The following AUTS2 variants were observed in gnomAD, a reference collection of about 807,000 sequenced individuals.
AUTS2 encodes the protein activator of transcription and developmental regulator AUTS2.
A neutral mutation model predicts 112.4 loss-of-function variants in AUTS2; 17 were observed. That is an observed-to-expected ratio of 0.15 (90% confidence interval 0.10 to 0.23). AUTS2 has a LOEUF of 0.23. AUTS2 is among the 10% of genes least tolerant of loss of function. The probability of loss-of-function intolerance (pLI) is 1.00; values close to 1 mark genes in which losing one functional copy is unlikely to be tolerated. For missense variants in AUTS2, 1,510 were observed against 1,701.6 expected, an observed-to-expected ratio of 0.89 and a Z score of 1.98; for synonymous variants, 751 against 702.7, an observed-to-expected ratio of 1.07 and a Z score of -1.09.
intron 13 of AUTS2, among the ~76,000 whole-genome samples, chr7:70,775,878 C>A (rs1158946197): frequency 6.6e-6 from 1 of 152,190 alleles, no homozygotes; most frequent in Non-Finnish European, 1.5e-5. Flanking sequence ...GCAAATTGTT[C>A]TCGAGGTCTG....
intron 1 of AUTS2, among the ~76,000 whole-genome samples, chr7:69,770,319 A>T (rs1054907754): frequency 2.6e-5 from 4 of 152,254 alleles, no homozygotes; most frequent in African/African-American, 9.6e-5. Context: ...CATTCAGCAG[A>T]CATTTAGCAA....
intron 1 of AUTS2, among the ~76,000 whole-genome samples, chr7:69,775,447 A>T (rs1788851191): frequency 6.6e-6 from 1 of 152,072 alleles, no homozygotes; most frequent in Non-Finnish European, 1.5e-5. Context: ...CTGCATTTTT[A>T]AATCTTGTCA....
intron 1 of AUTS2, among the ~76,000 whole-genome samples, chr7:69,784,022 C>T (rs1194777018): frequency 6.6e-6 from 1 of 152,184 alleles, no homozygotes; most frequent in East Asian, 1.9e-4. Flanking sequence ...CCCCCCTCCC[C>T]AACCTTCAAC....
At chr7:70,304,040 G>A (rs1373160453) in intron 4 of AUTS2, among the ~76,000 whole-genome samples, 1 of 152,072 alleles carries the variant, frequency 6.6e-6, no homozygotes, top group Non-Finnish European at 1.5e-5. Context: ...TCAGGGCTTG[G>A]CATTTTCATT....
At chr7:69,980,795 C>T (rs1418807843) in intron 2 of AUTS2, among the ~76,000 whole-genome samples, 1 of 152,056 alleles carries the variant, frequency 6.6e-6, no homozygotes, top group African/African-American at 2.4e-5. Context: ...GGGATGAAGC[C>T]TTGGCGTCAA....
rs551336810 is a variant in AUTS2 at position 70,347,532 on chromosome 7, A to T, written c.661-88220A>T. Among the ~76,000 whole-genome samples, 10 of 152,232 alleles carry T rather than the reference A, an allele frequency of 6.6e-5. No homozygotes were observed. In the East Asian group the frequency reaches 1.9e-3, roughly 29 times the overall value. ...CTTTTCTATTCTCTGCTCACCTGGAATGAGAGCGGATAAAATAATACAGAC... is the reference window on the plus strand; with the variant it reads ...CTTTTCTATTCTCTGCTCACCTGGATTGAGAGCGGATAAAATAATACAGAC... On this transcript the variant is annotated intron_variant, in intron 4 of 18. Coordinates refer to ENST00000342771, the MANE Select transcript of AUTS2 (RefSeq NM_015570.4).
intron 5 of AUTS2, among the ~76,000 whole-genome samples, chr7:70,647,970 A>G (rs1274010206): frequency 6.6e-6 from 1 of 152,174 alleles, no homozygotes; most frequent in East Asian, 1.9e-4. Context: ...ATGTCACCCC[A>G]TGGCCTGATG....
intron 8 of AUTS2, 123 bp from the exon 9 acceptor site, chr7:70,765,991 G>T (rs554994500): frequency 2.0e-6 from 3 of 1,467,054 alleles, no homozygotes; most frequent in Non-Finnish European, 1.8e-6. Flanking sequence ...TTATCTCAGG[G>T]CCCAGCCACA....
At chr7:70,563,223 T>C (rs1801562457) in intron 5 of AUTS2, among the ~76,000 whole-genome samples, 2 of 152,290 alleles carry the variant, frequency 1.3e-5, no homozygotes, top group Admixed American at 6.5e-5. Flanking sequence ...TGATACTTAT[T>C]CCCTGGTATA....
chr7:69,650,259 A>G (rs1795232108), intron 1 of AUTS2, among the ~76,000 whole-genome samples: 1 of 152,202 alleles, frequency 6.6e-6, no homozygotes, highest in Non-Finnish European at 1.5e-5. Context: ...CTTGGGAAAG[A>G]TGCTTGCTGA....
chr7:70,252,501 C>A (rs1000059182), intron 4 of AUTS2, among the ~76,000 whole-genome samples: 2 of 152,092 alleles, frequency 1.3e-5, no homozygotes, highest in Non-Finnish European at 1.5e-5. Flanking sequence ...TGGATATTAA[C>A]CCCATATTAA....
chr7:69,691,856 GAT>G (rs953925669), intron 1 of AUTS2, among the ~76,000 whole-genome samples: 8 of 152,160 alleles, frequency 5.3e-5, no homozygotes, highest in African/African-American at 1.9e-4. Flanking sequence ...AGGGAGGATA[GAT>G]TTTTTTTTGT....
chr7:69,842,745 A>G (rs925877412), intron 1 of AUTS2, among the ~76,000 whole-genome samples: 21 of 152,158 alleles, frequency 1.4e-4, no homozygotes, highest in African/African-American at 4.8e-4. Context: ...CCTAAAGTTA[A>G]GTGTTTGAGC....
At chr7:70,041,251 C>T (rs1801232450) in intron 2 of AUTS2, among the ~76,000 whole-genome samples, 1 of 152,096 alleles carries the variant, frequency 6.6e-6, no homozygotes, top group South Asian at 2.1e-4. Context: ...AAACTTCATA[C>T]TCTCTTAAAA....
intron 3 of AUTS2, among the ~76,000 whole-genome samples, chr7:70,133,605 C>G (rs543141450): frequency 2.6e-3 from 393 of 152,228 alleles, no homozygotes; most frequent in Admixed American, 3.5e-3. Flanking sequence ...AGGGAAGAAG[C>G]CTGGCTGGTG....
At chr7:70,617,306 C>G (rs1236750907) in intron 5 of AUTS2, among the ~76,000 whole-genome samples, 12 of 152,196 alleles carry the variant, frequency 7.9e-5, no homozygotes. Context: ...TCAGGTATGA[C>G]AGTGGAGTCC....
intron 1 of AUTS2, among the ~76,000 whole-genome samples, chr7:69,801,621 A>G (rs1429353991): frequency 6.6e-6 from 1 of 152,092 alleles, no homozygotes; most frequent in Non-Finnish European, 1.5e-5. Flanking sequence ...ATTATGTACT[A>G]TCTTAAAACA....
intron 4 of AUTS2, chr7:70,194,547 TAG>T (rs1400478912): frequency 6.6e-6 from 1 of 152,220 alleles, no homozygotes; most frequent in Non-Finnish European, 1.5e-5. Context: ...TGGCCAGAGT[TAG>T]AGTGGTCACA....
chr7:70,139,817 G>T (rs1806760575), intron 4 of AUTS2, among the ~76,000 whole-genome samples: 1 of 152,062 alleles, frequency 6.6e-6, no homozygotes, highest in South Asian at 2.1e-4. Flanking sequence ...TGGCCAACAT[G>T]GTGAAACCCC....
Sources: gnomAD v4.1 joint callset for allele counts (sites outside exome capture counted in the v4.1 genomes callset) on GRCh38, gnomAD v4.1.1 for gene constraint, MANE v1.5 for transcripts, NCBI Gene and HGNC (gene_info 2026-07-23, HGNC 2026-07-21) for gene names.